The following LARP4B variants were observed in gnomAD, a reference collection of about 807,000 sequenced individuals.
The protein encoded by LARP4B is la-related protein 4B.
In LARP4B, 12 loss-of-function variants were observed where a neutral mutation model predicts 89.8. The observed-to-expected ratio is 0.13, with a 90% CI of 0.09 to 0.22. The LOEUF is 0.22. Ranked by LOEUF, LARP4B falls within the 10% of genes least tolerant of loss-of-function variation. The pLI is 1.00. For synonymous variants in LARP4B, 367 were observed against 363.3 expected, an observed-to-expected ratio of 1.01 and a Z score of -0.12; for missense variants, 757 against 947.7, an observed-to-expected ratio of 0.80 and a Z score of 2.64.
At chr10:873,081 G>A (rs889880438) in intron 3 of LARP4B, 1 of 985,156 alleles carries the variant, frequency 1.0e-6, no homozygotes, top group Non-Finnish European at 1.2e-6. Context: ...ACAGATTTTT[G>A]TAACAGGCCA....
the LARP4B span, among the ~76,000 whole-genome samples, chr10:941,275 G>C: frequency 6.6e-6 from 1 of 152,066 alleles, no homozygotes; most frequent in Non-Finnish European, 1.5e-5. Context: ...AGCTAATCAG[G>C]GAGAGTCCCA....
chr10:950,478 CTCAT>C, the LARP4B span, among the ~76,000 whole-genome samples: 1 of 152,212 alleles, frequency 6.6e-6, no homozygotes, highest in African/African-American at 2.4e-5. Flanking sequence ...TTTAGCTACT[CTCAT>C]TCCTTTGTCT....
At chr10:905,897 T>C (rs1475367016) in intron 1 of LARP4B, among the ~76,000 whole-genome samples, 1 of 152,202 alleles carries the variant, frequency 6.6e-6, no homozygotes, top group Non-Finnish European at 1.5e-5. Flanking sequence ...AGCCTTTCCC[T>C]TGAAGCCCAC....
intron 1 of LARP4B, among the ~76,000 whole-genome samples, chr10:902,558 C>A (rs768164271): frequency 6.6e-6 from 1 of 152,096 alleles, no homozygotes; most frequent in Non-Finnish European, 1.5e-5. Context: ...AGCATCAAAA[C>A]CAAAATCTGC....
the LARP4B span, among the ~76,000 whole-genome samples, chr10:980,747 C>T: frequency 6.6e-6 from 1 of 152,206 alleles, no homozygotes; most frequent in African/African-American, 2.4e-5. Context: ...ATGGGAGGGG[C>T]TCCTGGGAAG....
chr10:833,435 G>A, intron 8 of LARP4B, among the ~76,000 whole-genome samples: 1 of 152,028 alleles, frequency 6.6e-6, no homozygotes, highest in East Asian at 1.9e-4. Context: ...GCCAAAAAAG[G>A]AGATAAAAAT....
chr10:887,336 A>C (rs1053941064), intron 1 of LARP4B, among the ~76,000 whole-genome samples: 1 of 152,004 alleles, frequency 6.6e-6, no homozygotes, highest in African/African-American at 2.4e-5. Context: ...TGATGGCTAT[A>C]TTAATGGGCT....
intron 6 of LARP4B, among the ~76,000 whole-genome samples, chr10:844,694 AACTTC>A (rs1270591170): frequency 6.6e-6 from 1 of 152,126 alleles, no homozygotes; most frequent in Non-Finnish European, 1.5e-5. Flanking sequence ...CTTGTTCTCC[AACTTC>A]AGTGTGAGGA....
the LARP4B span, among the ~76,000 whole-genome samples, chr10:975,156 C>T: frequency 6.6e-6 from 1 of 152,228 alleles, no homozygotes; most frequent in South Asian, 2.1e-4. Context: ...ATACAAGTTA[C>T]TTTCATGATT....
At chr10:979,914 T>A in the LARP4B span, among the ~76,000 whole-genome samples, 3 of 152,176 alleles carry the variant, frequency 2.0e-5, no homozygotes, top group South Asian at 6.2e-4. Context: ...GAGCTTGCAG[T>A]AAGCTGAGAT....
rs953595095 is a variant in LARP4B at position 811,525 on chromosome 10, C to T, written c.*1401G>A. 3 of 152,640 alleles carry T rather than the reference C, an allele frequency of 2.0e-5. No homozygotes were observed. The highest frequency in any genetic ancestry group is 6.5e-5 in the Admixed American group (1 of 15,276). The allele number at this position is 152,640 out of a possible 1,614,324, so 9.5% of individuals were successfully genotyped here. On this transcript the variant is annotated 3_prime_UTR_variant, in exon 18 of 18. Coordinates refer to ENST00000316157, the MANE Select transcript of LARP4B (RefSeq NM_015155.3). ...TAAAACTAGCGACAGGAGATCCACGCAGTAACTGAGTAACTCTGACCCACT... is the reference window on the plus strand; with the variant it reads ...TAAAACTAGCGACAGGAGATCCACGTAGTAACTGAGTAACTCTGACCCACT...
At chr10:984,305 T>A in the LARP4B span, among the ~76,000 whole-genome samples, 1 of 152,214 alleles carries the variant, frequency 6.6e-6, no homozygotes, top group Non-Finnish European at 1.5e-5. Context: ...ATATTTAGAA[T>A]CATTTGGAAA....
intron 13 of LARP4B, 86 bp downstream of exon 13, chr10:824,979 T>A: frequency 7.6e-7 from 1 of 1,321,706 alleles, no homozygotes. Flanking sequence ...GTGACATATT[T>A]AAAGACAATT....
chr10:931,168 GGCCCCGGTCCTCCTCA>G (rs1244860899), intron 1 of LARP4B, among the ~76,000 whole-genome samples: 1 of 148,152 alleles, frequency 6.7e-6, no homozygotes, highest in East Asian at 2.0e-4. Context: ...CCCCTGCCCC[GGCCCCGGTCCTCCTCA>G]GCCCCGGCTT....
At chr10:980,625 G>A in the LARP4B span, among the ~76,000 whole-genome samples, 1 of 152,338 alleles carries the variant, frequency 6.6e-6, no homozygotes, top group South Asian at 2.1e-4. Flanking sequence ...AACCACGGCT[G>A]CAGCTAAGCA....
At chr10:820,321 G>A (rs773319947) in intron 14 of LARP4B, 1 of 154,718 alleles carries the variant, frequency 6.5e-6, no homozygotes, top group East Asian at 1.9e-4. Context: ...TGTCCTGCCA[G>A]TAAGTTATAG....
At chr10:980,159 AG>A in the LARP4B span, among the ~76,000 whole-genome samples, 5 of 152,204 alleles carry the variant, frequency 3.3e-5, no homozygotes, top group Non-Finnish European at 7.4e-5. Flanking sequence ...CACGGCTGCA[AG>A]GGTGGTCTCC....
In LARP4B at chr10:815,053, T is replaced by A. The variant is rs764328402; in HGVS notation, c.1713A>T (p.Ala571=). 9 of 1,592,566 alleles carry A rather than the reference T, an allele frequency of 5.7e-6. No individual in the cohort carries two copies. Among genetic ancestry groups the A allele is most frequent in the Non-Finnish European group, 7.7e-6 (9 of 1,167,386 alleles). The change falls in exon 16 of 18, where the codon GCA becomes GCT. Residue 571 remains alanine (A), a synonymous_variant. Transcript: ENST00000316157. ...PSKERTLSAD[A]SVNTLPVVVS... ...CCACTACAGGAAGGGTGTTCACGCT[T>A]GCGTCTGCACTGAGGGTCTGAAACA...
At chr10:964,356 T>G in the LARP4B span, among the ~76,000 whole-genome samples, 2 of 152,234 alleles carry the variant, frequency 1.3e-5, no homozygotes, top group Non-Finnish European at 2.9e-5. Context: ...TGGGTCACCA[T>G]GCCCAGCCCA....
Sources: gnomAD v4.1 joint callset for allele counts (sites outside exome capture counted in the v4.1 genomes callset) on GRCh38, gnomAD v4.1.1 for gene constraint, MANE v1.5 for transcripts, NCBI Gene and HGNC (gene_info 2026-07-23, HGNC 2026-07-21) for gene names.